The following EPB41L4A variants were observed in gnomAD, a reference collection of about 807,000 sequenced individuals.
EPB41L4A encodes the protein band 4.1-like protein 4A.
In EPB41L4A, 100 loss-of-function variants were observed where a neutral mutation model predicts 108.6. The ratio of observed to expected loss-of-function variants is 0.92; its 90% CI spans 0.78 to 1.09. The LOEUF (loss-of-function observed/expected upper bound fraction) is 1.09, where lower values mean the gene tolerates loss of function less well. Among genes scored for constraint, EPB41L4A ranks in the 50% least tolerant of loss-of-function variants. The probability of loss-of-function intolerance (pLI) is 0.00; values close to 1 mark genes in which losing one functional copy is unlikely to be tolerated. For synonymous variants in EPB41L4A, 319 were observed against 289.0 expected (o/e 1.10, Z -1.05); for missense variants, 1,030 against 842.7 (o/e 1.22, Z -2.75).
chr5:112,200,042 C>G (rs1225381394), intron 15 of EPB41L4A, among the ~76,000 whole-genome samples: 1 of 152,236 alleles, frequency 6.6e-6, no homozygotes, highest in Non-Finnish European at 1.5e-5. Flanking sequence ...AAATCCTGAA[C>G]AAAGTCCAGG....
At position 112,366,328 on chromosome 5, in the gene EPB41L4A, A is replaced by T. The variant is rs185160127; in HGVS notation, c.99+52613T>A. Among the ~76,000 whole-genome samples, 5 of 152,190 alleles carry T rather than the reference A, an allele frequency of 3.3e-5. No homozygotes were observed. In the East Asian group the frequency reaches 9.7e-4, roughly 29 times the overall value. On this transcript the variant is annotated intron_variant, in intron 1 of 22. Transcript: ENST00000261486. The stretch of plus-strand genomic sequence containing the variant: ...AAAAAAGAAAGAAAGAAAAGTATAT[A>T]GTCAGGTCCCAGGAGGAAACAGCAT...
At chr5:112,274,008 C>T (rs1462524464) in intron 4 of EPB41L4A, among the ~76,000 whole-genome samples, 2 of 151,884 alleles carry the variant, frequency 1.3e-5, no homozygotes, top group Admixed American at 1.3e-4. Context: ...ATGAGGTCTA[C>T]GCTGGCACAG....
chr5:112,324,490 C>T (rs1756009943), intron 1 of EPB41L4A, among the ~76,000 whole-genome samples: 1 of 151,830 alleles, frequency 6.6e-6, no homozygotes, highest in Admixed American at 6.6e-5. Flanking sequence ...CTTTGGAGGC[C>T]GAGGCGGGCA....
At chr5:112,287,981 G>A (rs1753394808) in intron 2 of EPB41L4A, among the ~76,000 whole-genome samples, 2 of 152,194 alleles carry the variant, frequency 1.3e-5, no homozygotes, top group Admixed American at 1.3e-4. Flanking sequence ...ACTTTTTACT[G>A]AGTTTGAAAA....
At chr5:112,408,674 T>A (rs1019900718) in intron 1 of EPB41L4A, among the ~76,000 whole-genome samples, 1 of 40,578 alleles carries the variant, frequency 2.5e-5, no homozygotes, top group Non-Finnish European at 4.0e-5. Flanking sequence ...AGACTCCATC[T>A]CAAAAAAAAA....
At chr5:112,198,227 T>C (rs1412131232) in intron 15 of EPB41L4A, among the ~76,000 whole-genome samples, 2 of 152,192 alleles carry the variant, frequency 1.3e-5, no homozygotes, top group East Asian at 3.9e-4. Flanking sequence ...GAGACAGGGT[T>C]TCACCATGTT....
At position 112,419,141 on chromosome 5, in the gene EPB41L4A, G is replaced by A; in HGVS notation, c.-102C>T. The A allele has an allele frequency of 2.3e-6, 2 of 886,028 alleles. No individual in the cohort carries two copies. Among genetic ancestry groups the A allele is most frequent in the East Asian group, 2.7e-5 (1 of 36,696 alleles). The allele number at this position is 886,028 out of a possible 1,614,324, so 54.9% of individuals were successfully genotyped here. Reference sequence around the variant, plus strand: ...TGCATTAATTTATTGTCCGCGCCGTGGCGAGGGTGAGACGAGCAGCTCCCG... The same window carrying A: ...TGCATTAATTTATTGTCCGCGCCGTAGCGAGGGTGAGACGAGCAGCTCCCG... On this transcript the variant is annotated 5_prime_UTR_variant, in exon 1 of 23. Coordinates refer to ENST00000261486, the MANE Select transcript of EPB41L4A (RefSeq NM_022140.5).
In EPB41L4A at chr5:112,209,901, G is replaced by A; in HGVS notation, c.1169C>T (p.Pro390Leu). 6.3e-7 allele frequency: 1 copy of A among 1,595,850 alleles called. No individual in the cohort carries two copies. Among genetic ancestry groups the A allele is most frequent in the Admixed American group, 1.7e-5 (1 of 59,512 alleles). Residue 390 changes from proline (P) to leucine (L), a missense_variant, in exon 13 of 23, where the codon CCA (proline) becomes CTA (leucine). Coordinates refer to ENST00000261486, the MANE Select transcript of EPB41L4A (RefSeq NM_022140.5). ...EGTIKIIAPS[P>L]VKSFKKAKNE... ...AGTTAACTTCACTGACCTTTTTACT[G>A]GTGAAGGTGCAATAATTTTAATTGT...
At chr5:112,175,352 C>G (rs753694123) in intron 18 of EPB41L4A, 5 of 152,160 alleles carry the variant, frequency 3.3e-5, no homozygotes, top group African/African-American at 4.8e-5. Context: ...GAAAAATGTA[C>G]TAAATAGAAC....
intron 1 of EPB41L4A, among the ~76,000 whole-genome samples, chr5:112,394,402 C>T (rs977915702): frequency 1.3e-5 from 2 of 152,164 alleles, no homozygotes; most frequent in Non-Finnish European, 2.9e-5. Context: ...TCTCAGGATA[C>T]AAAATCAATG....
At position 112,152,150 on chromosome 5, in the gene EPB41L4A, A is replaced by G. The variant is rs895160145; in HGVS notation, n.995-6152T>C. ...AGGAGAAAAATATTAAATAAAAACA[A>G]TTTTTAACAAATCCAATACAAGACC... On this transcript the variant is annotated intron_variant and non_coding_transcript_variant, in intron 12 of 13. Coordinates refer to the EPB41L4A transcript ENST00000507810. Among the ~76,000 whole-genome samples the G allele has an allele frequency of 5.3e-5, 8 of 152,328 alleles. No homozygotes were observed. In the East Asian group the frequency reaches 9.6e-4, roughly 18 times the overall value.
At position 112,307,440 on chromosome 5, in the gene EPB41L4A, G is replaced by A. The variant is rs749858546; in HGVS notation, c.150C>T (p.Asn50=). Residue 50 remains asparagine (N), a synonymous_variant, in exon 2 of 23, where the codon AAC becomes AAT. Coordinates refer to ENST00000261486, the MANE Select transcript of EPB41L4A (RefSeq NM_022140.5). ...VVLDHVFHHV[N]LVEIDYFGLR... is the part of the protein sequence containing the mutation. ...GCCCAAAATAATCTATCTCCACAAG[G>A]TTTACGTGATGGAATACGTGGTCAA... is the stretch of plus-strand genomic sequence containing the variant. The A allele has an allele frequency of 3.1e-6, 5 of 1,613,172 alleles. No individual in the cohort carries two copies. In the East Asian group the frequency reaches 8.9e-5, roughly 29 times the overall value.
At chr5:112,287,237 T>C (rs951471504) in intron 2 of EPB41L4A, among the ~76,000 whole-genome samples, 1 of 152,188 alleles carries the variant, frequency 6.6e-6, no homozygotes, top group African/African-American at 2.4e-5. Flanking sequence ...TCTCAAACTT[T>C]AGATGTCCAA....
intron 1 of EPB41L4A, among the ~76,000 whole-genome samples, chr5:112,338,913 A>T (rs1419769245): frequency 6.6e-6 from 1 of 152,212 alleles, no homozygotes; most frequent in Non-Finnish European, 1.5e-5. Context: ...ACTGCTCAAG[A>T]ATGGCTATCT....
intron 9 of EPB41L4A, chr5:112,256,755 T>C (rs1235057387): frequency 6.6e-6 from 1 of 152,182 alleles, no homozygotes; most frequent in Non-Finnish European, 1.5e-5. Context: ...TAAATATATA[T>C]ACATTCACAC....
At chr5:112,397,031 T>C (rs1761401952) in intron 1 of EPB41L4A, among the ~76,000 whole-genome samples, 1 of 152,194 alleles carries the variant, frequency 6.6e-6, no homozygotes, top group Non-Finnish European at 1.5e-5. Flanking sequence ...GTCTGCCCAT[T>C]ATCCAAATAC....
At chr5:112,303,201 A>C (rs75862435) in intron 2 of EPB41L4A, among the ~76,000 whole-genome samples, 4,043 of 152,260 alleles carry the variant, frequency 0.027, 174 homozygotes, top group African/African-American at 0.092. Context: ...ACAGAATGTG[A>C]AACTTTACAC....
intron 1 of EPB41L4A, among the ~76,000 whole-genome samples, chr5:112,387,504 C>T (rs1356141207): frequency 6.6e-6 from 1 of 152,184 alleles, no homozygotes; most frequent in Non-Finnish European, 1.5e-5. Context: ...TGGCAGGGGC[C>T]TGTAGTCCCA....
At chr5:112,156,750 C>A (rs934162379) in intron 12 of EPB41L4A, among the ~76,000 whole-genome samples, 2 of 152,106 alleles carry the variant, frequency 1.3e-5, no homozygotes, top group Non-Finnish European at 2.9e-5. Flanking sequence ...AGATCCAATG[C>A]AATTCCAATA....
Sources: allele counts gnomAD v4.1 joint callset (sites outside exome capture counted in the v4.1 genomes callset), GRCh38; gene constraint gnomAD v4.1.1; transcripts MANE v1.5; gene names NCBI Gene and HGNC (gene_info 2026-07-23, HGNC 2026-07-21).